The following EPS15L1 variants were observed in gnomAD, a reference collection of about 807,000 sequenced individuals.
EPS15L1 encodes epidermal growth factor receptor pathway substrate 15 like 1.
EPS15L1 carries 43 observed loss-of-function variants against 117.1 expected under a neutral mutation model. The ratio of observed to expected loss-of-function variants is 0.37; its 90% CI spans 0.29 to 0.47. EPS15L1 has a LOEUF of 0.47. Among genes scored for constraint, EPS15L1 ranks in the 20% least tolerant of loss-of-function variants. The pLI, the probability that EPS15L1 is intolerant of heterozygous loss-of-function variation, is 0.99. For synonymous variants in EPS15L1, 459 were observed against 470.5 expected (o/e 0.98, Z 0.32); for missense variants, 981 against 1,164.0 (o/e 0.84, Z 2.29).
At chr19:16,408,668 A>G (rs897626653) in intron 13 of EPS15L1, among the ~76,000 whole-genome samples, 1 of 151,950 alleles carries the variant, frequency 6.6e-6, no homozygotes, top group African/African-American at 2.4e-5. Flanking sequence ...AAAAAAAAAA[A>G]AAAATCACAT....
At chr19:16,470,753 G>A (rs1363390421) in intron 1 of EPS15L1, among the ~76,000 whole-genome samples, 1 of 151,932 alleles carries the variant, frequency 6.6e-6, no homozygotes, top group Non-Finnish European at 1.5e-5. Context: ...ACTCTCTTTG[G>A]GTTTGGAATT....
At chr19:16,374,490 G>A (rs940494374) in intron 22 of EPS15L1, among the ~76,000 whole-genome samples, 1 of 152,150 alleles carries the variant, frequency 6.6e-6, no homozygotes, top group Non-Finnish European at 1.5e-5. Context: ...GTTATCAAAC[G>A]TTCTACTTTT....
At position 16,425,218 on chromosome 19, in the gene EPS15L1, G is replaced by T. The variant is rs748744240; in HGVS notation, c.657C>A (p.Phe219Leu). The T allele has an allele frequency of 7.2e-7, 1 of 1,387,614 alleles. No homozygotes were observed. The allele number at this position is 1,387,614 out of a possible 1,614,324, so 86.0% of individuals were successfully genotyped here. A position where few individuals can be genotyped will look rare whatever the true frequency, so the allele number is the denominator to read the frequency against. The change falls in exon 9 of 24, where the codon TTC becomes TTA. Residue 219 changes from phenylalanine to leucine, a missense_variant. Phe to Leu is a conservative substitution (Grantham distance 22, BLOSUM62 0). Coordinates refer to ENST00000455140, the MANE Select transcript of EPS15L1 (RefSeq NM_001258374.3). The part of the protein sequence containing the change: ...IPPSKRKKTV[F>L]PGAVPVLPAS... ...CAGGCAGGACGGGGACGGCGCCAGGGAACACAGTCTTCTTTCTCTTGGAGG... is the reference window on the plus strand; with the variant it reads ...CAGGCAGGACGGGGACGGCGCCAGGTAACACAGTCTTCTTTCTCTTGGAGG...
chr19:16,458,328 G>A (rs765127863), intron 1 of EPS15L1, among the ~76,000 whole-genome samples: 1 of 152,144 alleles, frequency 6.6e-6, no homozygotes, highest in Non-Finnish European at 1.5e-5. Context: ...TGCCACCATG[G>A]AGCATCATAG....
At position 16,377,211 on chromosome 19, in the gene EPS15L1, C is replaced by A; in HGVS notation, c.2291G>T (p.Gly764Val). Reference protein sequence around the residue: ...GPFTSSLGGAGFSDDPFKSKQ... With the variant: ...GPFTSSLGGAVFSDDPFKSKQ... The stretch of plus-strand genomic sequence containing the variant: ...ACTTTTAAAGGGGTCATCTGAGAAT[C>A]CTGCCCCTCCCAAGGAGGAGGTGAA... Residue 764 changes from glycine to valine, a missense_variant, in exon 22 of 24, where the codon GGA (glycine) becomes GTA (valine). By Grantham distance (109) the Gly-to-Val change is moderately radical. Coordinates refer to ENST00000455140, the MANE Select transcript of EPS15L1 (RefSeq NM_001258374.3). 6.2e-7 allele frequency: 1 copy of A among 1,612,700 alleles called. No homozygotes were observed. Among genetic ancestry groups the A allele is most frequent in the Non-Finnish European group, 8.5e-7 (1 of 1,179,382 alleles).
intron 8 of EPS15L1, among the ~76,000 whole-genome samples, chr19:16,425,729 C>T (rs2092865057): frequency 6.6e-6 from 1 of 152,070 alleles, no homozygotes. Flanking sequence ...TGCCTGAGCC[C>T]AGGAGATGGA....
At position 16,381,397 on chromosome 19, in the gene EPS15L1, C is replaced by A. The variant is rs998057943; in HGVS notation, c.2247+3732G>T. Among the ~76,000 whole-genome samples, 10 of 152,218 alleles carry A rather than the reference C, an allele frequency of 6.6e-5. No individual in the cohort carries two copies. Among genetic ancestry groups the A allele is most frequent in the Non-Finnish European group, 1.5e-4 (10 of 68,038 alleles). Reference sequence around the variant, plus strand: ...GGCCACCCCAGTGGTGGGTCCAGGGCCTCGTCCTGGGCAGACTGTCCTGCC... The same window carrying A: ...GGCCACCCCAGTGGTGGGTCCAGGGACTCGTCCTGGGCAGACTGTCCTGCC... On this transcript the variant is annotated intron_variant, in intron 21 of 23. Coordinates refer to ENST00000455140, the MANE Select transcript of EPS15L1 (RefSeq NM_001258374.3). This position sits in a 1 kb window ranked among gnomAD's most constrained non-coding sequence, Gnocchi z 4.2.
intron 16 of EPS15L1, chr19:16,401,478 C>T (rs1009378002): frequency 1.2e-5 from 12 of 985,578 alleles, no homozygotes; most frequent in Middle Eastern, 5.2e-4. Context: ...GGTGGCAGCA[C>T]GGAGAGAGCT....
chr19:16,412,686 G>A (rs1475463678), intron 13 of EPS15L1: 1 of 153,380 alleles, frequency 6.5e-6, no homozygotes, highest in Non-Finnish European at 1.3e-5. Context: ...AACACCGAAT[G>A]GCGGATGACA....
intron 1 of EPS15L1, among the ~76,000 whole-genome samples, chr19:16,448,610 A>G (rs58166386): frequency 0.37 from 54,773 of 149,420 alleles, 10,785 homozygotes; most frequent in African/African-American, 0.52. Flanking sequence ...TTGGGAGGCC[A>G]AGGTAGGCGG....
chr19:16,380,960 G>C (rs937858581), intron 21 of EPS15L1, among the ~76,000 whole-genome samples: 2 of 152,220 alleles, frequency 1.3e-5, no homozygotes, highest in African/African-American at 2.4e-5. Flanking sequence ...GCTCGGCCCA[G>C]TCAGAGCCAC....
At chr19:16,465,872 A>T (rs778171155) in intron 1 of EPS15L1, among the ~76,000 whole-genome samples, 2 of 152,204 alleles carry the variant, frequency 1.3e-5, no homozygotes, top group African/African-American at 2.4e-5. Context: ...CCAAGACAAG[A>T]AACTATGGTG....
intron 1 of EPS15L1, among the ~76,000 whole-genome samples, chr19:16,444,171 C>CAAA (rs61347144): frequency 1.3e-4 from 9 of 71,226 alleles, no homozygotes; most frequent in Non-Finnish European, 1.8e-4. Flanking sequence ...GGGAAAAAGT[C>CAAA]AAAAAAAAAA....
In EPS15L1 at chr19:16,440,850, A is replaced by G; in HGVS notation, c.213+12T>C. 6.8e-6 allele frequency: 11 copies of G among 1,613,920 alleles called. No homozygotes were observed. Among genetic ancestry groups the G allele is most frequent in the Middle Eastern group, 1.6e-4 (1 of 6,062 alleles). On this transcript the variant is annotated intron_variant, in intron 4 of 23. Coordinates refer to ENST00000455140, the MANE Select transcript of EPS15L1 (RefSeq NM_001258374.3). The stretch of plus-strand genomic sequence containing the variant: ...CAGCCCCTCCATTTGCTCTGTGTAC[A>G]TGTGTATATACCTGTTTGTCCAAGA...
In EPS15L1 at chr19:16,405,798, A is replaced by T. The variant is rs1342665843; in HGVS notation, c.1267-1049T>A. On this transcript the variant is annotated intron_variant, in intron 13 of 23. Transcript: ENST00000455140. This position sits in a 1 kb window ranked among gnomAD's most constrained non-coding sequence, Gnocchi z 4.0. ...ACCTCCGGGGATGGGGACACCCAAG[A>T]AGAGGGCAGAGGCTTCTCACCTCCT... 6.6e-6 allele frequency among the ~76,000 whole-genome samples: 1 copy of T among 152,244 alleles called. No homozygotes were observed. Among genetic ancestry groups the T allele is most frequent in the Non-Finnish European group, 1.5e-5 (1 of 68,038 alleles).
chr19:16,440,645 T>A (rs559502152), intron 4 of EPS15L1: 45 of 345,534 alleles, frequency 1.3e-4, no homozygotes, highest in Non-Finnish European at 2.0e-4. Context: ...GAAAAATAAA[T>A]AAATAAATAA....
intron 7 of EPS15L1, 43 bp from the exon 8 acceptor site, chr19:16,428,804 C>G: frequency 6.5e-7 from 1 of 1,542,754 alleles, no homozygotes; most frequent in Non-Finnish European, 8.9e-7. Context: ...GGAGGAAGGA[C>G]TGGGTGAGAG....
rs201186903 is a variant in EPS15L1, at chr19:16,441,958, C to G, written c.99G>C (p.Arg33Ser). 6.2e-7 allele frequency: 1 copy of G among 1,614,064 alleles called. No individual in the cohort carries two copies. The highest frequency in any genetic ancestry group is 1.3e-5 in the African/African-American group (1 of 75,062). The change falls in exon 3 of 24, where the codon AGG becomes AGC. Residue 33 changes from arginine to serine, a missense_variant. Arg to Ser is a moderately radical substitution (Grantham distance 110). Coordinates refer to ENST00000455140, the MANE Select transcript of EPS15L1 (RefSeq NM_001258374.3). Reference protein sequence around the residue: ...YKQVDPAYTGRVGASEAALFL... With the variant: ...YKQVDPAYTGSVGASEAALFL... ...AAAGCGCAGCTTCACTCGCCCCCAC[C>G]CTCCCTGTGTATGCCGGATCGACCT... is the stretch of plus-strand genomic sequence containing the variant.
At chr19:16,422,906 TGA>T (rs1382614292) in intron 9 of EPS15L1, among the ~76,000 whole-genome samples, 2 of 143,370 alleles carry the variant, frequency 1.4e-5, no homozygotes, top group Non-Finnish European at 3.0e-5. Flanking sequence ...TGCAGGGAGC[TGA>T]GATTGTGCCA....
Sources: gnomAD v4.1 joint callset for allele counts (sites outside exome capture counted in the v4.1 genomes callset) on GRCh38, gnomAD v4.1.1 for gene constraint, Gnocchi (gnomAD v3.1) non-coding constraint, MANE v1.5 for transcripts, NCBI Gene and HGNC (gene_info 2026-07-23, HGNC 2026-07-21) for gene names.